The following YPEL2 variants were observed in gnomAD, a reference collection of about 807,000 sequenced individuals.
The protein encoded by YPEL2 is protein yippee-like 2.
A neutral mutation model predicts 19.1 loss-of-function variants in YPEL2; 2 were observed. The observed-to-expected ratio is 0.10, with a 90% confidence interval of 0.04 to 0.33. YPEL2 has a LOEUF of 0.33. Among genes scored for constraint, YPEL2 ranks in the 10% least tolerant of loss-of-function variants. The pLI is 1.00. For missense variants in YPEL2, 66 were observed against 140.7 expected (o/e 0.47, Z 2.68); for synonymous variants, 52 against 50.0 (o/e 1.04, Z -0.17).
intron 2 of YPEL2, among the ~76,000 whole-genome samples, chr17:59,370,521 T>G (rs2047891642): frequency 6.6e-6 from 1 of 152,176 alleles, no homozygotes; most frequent in Admixed American, 6.5e-5. Flanking sequence ...GGGTCTACCA[T>G]TAAGTGCTGT....
intron 2 of YPEL2, among the ~76,000 whole-genome samples, chr17:59,383,835 T>C (rs1598049879): frequency 6.6e-6 from 1 of 151,690 alleles, no homozygotes; most frequent in East Asian, 1.9e-4. Context: ...TCATCCGTGT[T>C]GTTCTGTATA....
At chr17:59,334,184 T>A (rs1316186892) in intron 1 of YPEL2, among the ~76,000 whole-genome samples, 1 of 152,082 alleles carries the variant, frequency 6.6e-6, no homozygotes, top group Non-Finnish European at 1.5e-5. Context: ...GTAGTGCCGA[T>A]GAGTTGCGTG....
At chr17:59,366,918 C>T (rs2047872802) in intron 2 of YPEL2, among the ~76,000 whole-genome samples, 1 of 152,212 alleles carries the variant, frequency 6.6e-6, no homozygotes, top group Non-Finnish European at 1.5e-5. Context: ...GAGTTCCTCC[C>T]TGTCCATCTC....
At chr17:59,385,256 G>A (rs1598050550) in intron 2 of YPEL2, among the ~76,000 whole-genome samples, 2 of 152,300 alleles carry the variant, frequency 1.3e-5, no homozygotes, top group Admixed American at 6.5e-5. Context: ...CACTGTAAAA[G>A]AAAATACATT....
In YPEL2 at chr17:59,353,182, G is replaced by A. The variant is rs1019198005; in HGVS notation, c.-195-33G>A. ...CTTTGTAGGGAGCCCTGCTCCATCA[G>A]CCAATGTTAGTCCTCTTCCCTTGAT... On this transcript the variant is annotated intron_variant, in intron 1 of 4. Transcript: ENST00000312655. The surrounding 1 kb of genome is among the most constrained non-coding windows in gnomAD (Gnocchi z 4.8). 1 of 419,258 alleles carries A rather than the reference G, an allele frequency of 2.4e-6. No homozygotes were observed. Among genetic ancestry groups the A allele is most frequent in the Non-Finnish European group, 4.3e-6 (1 of 234,624 alleles). 26.0% of individuals were successfully genotyped at this position (419,258 alleles called of 1,614,324 possible). A position where few individuals can be genotyped will look rare whatever the true frequency, so the allele number is the denominator to read the frequency against.
chr17:59,389,503 GA>G, intron 4 of YPEL2, 35 bp downstream of exon 4: 1 of 1,539,386 alleles, frequency 6.5e-7, no homozygotes. Context: ...TAGAGGGCTG[GA>G]AGGGAATTGC....
intron 2 of YPEL2, among the ~76,000 whole-genome samples, chr17:59,387,808 G>A (rs192038308): frequency 6.6e-6 from 1 of 152,320 alleles, no homozygotes; most frequent in East Asian, 1.9e-4. Context: ...GGATCTTCTA[G>A]AAGGCATGAC....
intron 4 of YPEL2, among the ~76,000 whole-genome samples, chr17:59,393,712 ACTCTTAACGAGCATG>A (rs1265865323): frequency 1.4e-5 from 2 of 146,720 alleles, no homozygotes; most frequent in East Asian, 3.9e-4. Context: ...AGTGGTGATG[ACTCTTAACGAGCATG>A]CTGCCTTCAA....
intron 2 of YPEL2, among the ~76,000 whole-genome samples, chr17:59,360,123 C>G (rs910691365): frequency 6.6e-6 from 1 of 152,226 alleles, no homozygotes; most frequent in African/African-American, 2.4e-5. Context: ...GTTGCCCAGG[C>G]TGGAGTGCAG....
At chr17:59,345,061 A>G (rs1337158307) in intron 1 of YPEL2, 3 of 152,196 alleles carry the variant, frequency 2.0e-5, no homozygotes, top group Non-Finnish European at 2.9e-5. Flanking sequence ...CACAGTTCAC[A>G]ATAGGGTTCG....
intron 1 of YPEL2, among the ~76,000 whole-genome samples, chr17:59,334,818 C>A (rs1017244477): frequency 2.0e-5 from 3 of 152,110 alleles, no homozygotes; most frequent in Admixed American, 6.5e-5. Flanking sequence ...TAATAATGTT[C>A]AGTTTGGCCA....
chr17:59,389,344 T>C lies in YPEL2; in HGVS notation c.162-16T>C. On this transcript the variant is annotated splice_polypyrimidine_tract_variant and intron_variant, in intron 3 of 4. Coordinates refer to ENST00000312655, the MANE Select transcript of YPEL2 (RefSeq NM_001005404.4). ...GTCACTAACTACCCACTCTCTCTTC[T>C]TGTGCCTCGACATAGAGTTAATGTG... The C allele has an allele frequency of 6.2e-7, 1 of 1,610,270 alleles. No homozygotes were observed. Among genetic ancestry groups the C allele is most frequent in the Non-Finnish European group, 8.5e-7 (1 of 1,177,372 alleles).
intron 2 of YPEL2, among the ~76,000 whole-genome samples, chr17:59,374,487 A>G (rs2047910929): frequency 1.3e-5 from 2 of 152,192 alleles, no homozygotes; most frequent in South Asian, 4.1e-4. Flanking sequence ...ATATATGCTA[A>G]TGGCGCTCAC....
intron 1 of YPEL2, among the ~76,000 whole-genome samples, chr17:59,347,998 T>C (rs1242203164): frequency 6.6e-6 from 1 of 152,196 alleles, no homozygotes; most frequent in Non-Finnish European, 1.5e-5. Context: ...GATGAAATTT[T>C]GGTGTGTATT....
Position 59,337,191 on chromosome 17 carries a change from TTG to T in YPEL2, c.-196+5369_-196+5370del, listed in dbSNP as rs1491085454. On this transcript the variant is annotated intron_variant, in intron 1 of 4. Coordinates refer to ENST00000312655, the MANE Select transcript of YPEL2 (RefSeq NM_001005404.4). Reference sequence around the variant, plus strand: ...AGTTCATGGGAGAAATTCTTTTTTTTTGTTTTTTTTGTTTGAGACGGAGTCTC... The same window carrying T: ...AGTTCATGGGAGAAATTCTTTTTTTTTTTTTTTTGTTTGAGACGGAGTCTC... 1.4e-4 allele frequency among the ~76,000 whole-genome samples: 21 copies of T among 148,058 alleles called. 2 individuals carry two copies. Among genetic ancestry groups the T allele is most frequent in the East Asian group, 3.9e-4 (2 of 5,082 alleles).
chr17:59,334,415 T>C (rs924534474), intron 1 of YPEL2, among the ~76,000 whole-genome samples: 1 of 150,930 alleles, frequency 6.6e-6, no homozygotes, highest in African/African-American at 2.4e-5. Context: ...AGTCAGGAGT[T>C]TGTCTACCAT....
At chr17:59,387,377 G>C (rs919756674) in intron 2 of YPEL2, among the ~76,000 whole-genome samples, 8 of 151,754 alleles carry the variant, frequency 5.3e-5, no homozygotes, top group African/African-American at 1.9e-4. Flanking sequence ...AGTCCTATCT[G>C]GTGCTCACCT....
chr17:59,374,702 C>T (rs2047912124), intron 2 of YPEL2, among the ~76,000 whole-genome samples: 1 of 152,118 alleles, frequency 6.6e-6, no homozygotes, highest in Admixed American at 6.5e-5. Context: ...TGAACATGGT[C>T]AGACCAGGCC....
In YPEL2 at chr17:59,397,435, AAAC is replaced by A; in HGVS notation, c.*248_*250del. On this transcript the variant is annotated 3_prime_UTR_variant, in exon 5 of 5. Transcript: ENST00000312655. The stretch of plus-strand genomic sequence containing the variant: ...CTCTCTCTGTTCTAGTTTTGGCTGA[AAAC>A]AAAACAACAAAAGGAACAGATCCTT... 3.0e-6 allele frequency: 1 copy of A among 336,546 alleles called. No homozygotes were observed. Among genetic ancestry groups the A allele is most frequent in the Non-Finnish European group, 5.4e-6 (1 of 185,810 alleles). 20.8% of individuals were successfully genotyped at this position (336,546 alleles called of 1,614,324 possible). A position where few individuals can be genotyped will look rare whatever the true frequency, so the allele number is the denominator to read the frequency against.
Sources: gnomAD v4.1 joint callset for allele counts (sites outside exome capture counted in the v4.1 genomes callset) on GRCh38, gnomAD v4.1.1 for gene constraint, Gnocchi (gnomAD v3.1) non-coding constraint, MANE v1.5 for transcripts, NCBI Gene and HGNC (gene_info 2026-07-23, HGNC 2026-07-21) for gene names.